ADGRL2: variants seen among roughly 807,000 people sequenced by gnomAD.
ADGRL2 encodes the protein calcium-independent alpha-latrotoxin receptor 2.
A neutral mutation model predicts 157.4 loss-of-function variants in ADGRL2; 44 were observed. The observed-to-expected ratio is 0.28, with a 90% CI of 0.22 to 0.36. ADGRL2 has a LOEUF of 0.36. ADGRL2 is among the 10% of genes least tolerant of loss of function. ADGRL2 has a pLI of 1.00. For missense variants in ADGRL2, 1,510 were observed against 1,768.9 expected, an observed-to-expected ratio of 0.85 and a Z score of 2.63; for synonymous variants, 585 against 624.7, an observed-to-expected ratio of 0.94 and a Z score of 0.95.
chr1:81,460,341 A>C (rs2077900764), intron 2 of ADGRL2, among the ~76,000 whole-genome samples: 1 of 151,984 alleles, frequency 6.6e-6, no homozygotes, highest in Non-Finnish European at 1.5e-5. Flanking sequence ...TCTATTATAT[A>C]TCATACCACA....
intron 1 of ADGRL2, among the ~76,000 whole-genome samples, chr1:81,802,331 C>A (rs1306015680): frequency 6.6e-6 from 1 of 152,038 alleles, no homozygotes; most frequent in Non-Finnish European, 1.5e-5. Context: ...GCGCAGGGAG[C>A]CGCGGGTTAA....
intron 2 of ADGRL2, among the ~76,000 whole-genome samples, chr1:81,871,038 ACCTCGTCATTT>A (rs2093678804): frequency 4.1e-5 from 6 of 146,632 alleles, no homozygotes; most frequent in Admixed American, 2.1e-4. Context: ...TGCACCCATT[ACCTCGTCATTT>A]ACATTAGGTA....
chr1:81,911,324 G>T (rs1263939201), intron 3 of ADGRL2, among the ~76,000 whole-genome samples: 1 of 151,904 alleles, frequency 6.6e-6, no homozygotes, highest in African/African-American at 2.4e-5. Flanking sequence ...GTTGGGGGGG[G>T]CAACTTAAAA....
chr1:81,327,567 T>C (rs977372929), intron 1 of ADGRL2, among the ~76,000 whole-genome samples: 3 of 152,200 alleles, frequency 2.0e-5, no homozygotes, highest in Non-Finnish European at 4.4e-5. Flanking sequence ...CATGGGACTT[T>C]CTTTGTGGGT....
At position 81,684,684 on chromosome 1, in the gene ADGRL2, T is replaced by C. The variant is rs2083193763; in HGVS notation, c.-142-77127T>C. ...TTCTTTATTGCATTTGCTTTTGAGT[T>C]CTTGGTCATTAAATCCTTGCCTAAG... On this transcript the variant is annotated intron_variant, in intron 3 of 24. Transcript: ENST00000370721. Among the ~76,000 whole-genome samples the C allele has an allele frequency of 5.3e-5, 8 of 152,338 alleles. No individual in the cohort carries two copies. In the South Asian group the frequency reaches 1.7e-3, roughly 32 times the overall value.
At chr1:81,667,867 C>G (rs2082784296) in intron 3 of ADGRL2, among the ~76,000 whole-genome samples, 1 of 152,004 alleles carries the variant, frequency 6.6e-6, no homozygotes, top group Admixed American at 6.6e-5. Context: ...TTTACATCTA[C>G]TGCGTATTTA....
At chr1:81,990,229 C>A (rs369485373) in intron 23 of ADGRL2, 162 bp from the exon 24 acceptor site, 1 of 985,234 alleles carries the variant, frequency 1.0e-6, no homozygotes, top group African/African-American at 1.7e-5. Flanking sequence ...GGGGTTGCAA[C>A]TATTTACAGT....
intron 4 of ADGRL2, among the ~76,000 whole-genome samples, chr1:81,937,201 T>G (rs1346438263): frequency 2.6e-5 from 4 of 151,926 alleles, no homozygotes; most frequent in Admixed American, 2.0e-4. Context: ...TCAGTTTTAA[T>G]CGTGAGCTAC....
chr1:81,344,909 C>T (rs984269206), intron 1 of ADGRL2, among the ~76,000 whole-genome samples: 4 of 152,050 alleles, frequency 2.6e-5, no homozygotes, highest in Non-Finnish European at 4.4e-5. Context: ...GCATTTTCAT[C>T]AGAACTGTAT....
At chr1:81,596,405 C>G in intron 3 of ADGRL2, 2 of 475,588 alleles carry the variant, frequency 4.2e-6, no homozygotes, top group South Asian at 3.3e-5. Context: ...CAGCTCACAC[C>G]TTCTCCAGAG....
At chr1:81,850,307 C>T (rs1164708113) in intron 2 of ADGRL2, among the ~76,000 whole-genome samples, 5 of 149,246 alleles carry the variant, frequency 3.4e-5, no homozygotes, top group Admixed American at 2.7e-4. Context: ...AAGTTCTCTT[C>T]GTTGTCTTCT....
chr1:81,658,301 C>G (rs1031311479), intron 3 of ADGRL2, among the ~76,000 whole-genome samples: 1 of 152,116 alleles, frequency 6.6e-6, no homozygotes, highest in Non-Finnish European at 1.5e-5. Flanking sequence ...CACCATGTTG[C>G]CCAGGCTGGT....
At chr1:81,618,841 T>C (rs2081723418) in intron 3 of ADGRL2, among the ~76,000 whole-genome samples, 1 of 150,590 alleles carries the variant, frequency 6.6e-6, no homozygotes, top group South Asian at 2.1e-4. Flanking sequence ...GCATCAGTAA[T>C]CTGGAGAAGG....
intron 1 of ADGRL2, chr1:81,427,298 G>A (rs549503609): frequency 5.3e-5 from 39 of 732,446 alleles, no homozygotes; most frequent in Admixed American, 5.3e-5. Flanking sequence ...ACTTAGAGGC[G>A]ATGGTGGCAA....
intron 2 of ADGRL2, among the ~76,000 whole-genome samples, chr1:81,776,347 C>A (rs1044442767): frequency 6.8e-4 from 104 of 152,098 alleles, no homozygotes; most frequent in Non-Finnish European, 1.1e-3. Context: ...CACCACCACA[C>A]CCAGCTAATT....
chr1:81,562,971 C>T (rs771054194), intron 2 of ADGRL2, among the ~76,000 whole-genome samples: 4 of 152,092 alleles, frequency 2.6e-5, no homozygotes, highest in African/African-American at 9.7e-5. Flanking sequence ...TTCTTTATTA[C>T]CAAAGCTTAA....
intron 2 of ADGRL2, among the ~76,000 whole-genome samples, chr1:81,528,057 A>C (rs1385799853): frequency 6.6e-6 from 1 of 152,154 alleles, no homozygotes; most frequent in Non-Finnish European, 1.5e-5. Context: ...ACAGAGCGAG[A>C]CTCCGTCTCA....
intron 2 of ADGRL2, among the ~76,000 whole-genome samples, chr1:81,771,977 C>T (rs922502387): frequency 6.6e-6 from 1 of 152,092 alleles, no homozygotes; most frequent in East Asian, 1.9e-4. Context: ...TGGCTGGGTG[C>T]GGTGGCTTAT....
At chr1:81,581,874 G>GCAGACACACACACACACACACA (rs1553127044) in intron 3 of ADGRL2, among the ~76,000 whole-genome samples, 1 of 83,452 alleles carries the variant, frequency 1.2e-5, no homozygotes, top group African/African-American at 3.2e-5. Flanking sequence ...ACACATGCGC[G>GCAGACACACACACACACACACA]CACACACACA....
Sources: gnomAD v4.1 joint callset for allele counts (sites outside exome capture counted in the v4.1 genomes callset) on GRCh38, gnomAD v4.1.1 for gene constraint, MANE v1.5 for transcripts, NCBI Gene and HGNC (gene_info 2026-07-23, HGNC 2026-07-21) for gene names.